Variants in PXN observed in about 807,000 individuals in gnomAD.
The protein encoded by PXN is testicular tissue protein Li 134.
A neutral mutation model predicts 103.6 loss-of-function variants in PXN; 61 were observed. That is an observed-to-expected ratio of 0.59 (90% CI 0.48 to 0.73). The LOEUF (loss-of-function observed/expected upper bound fraction) is 0.73. PXN is among the 30% of genes least tolerant of loss of function. PXN has a pLI of 0.00. For synonymous variants in PXN, 562 were observed against 607.8 expected, an observed-to-expected ratio of 0.92 and a Z score of 1.11; for missense variants, 1,274 against 1,460.3, an observed-to-expected ratio of 0.87 and a Z score of 2.08.
intron 1 of PXN, among the ~76,000 whole-genome samples, chr12:120,253,507 G>A (rs1046939912): frequency 6.6e-6 from 1 of 152,090 alleles, no homozygotes; most frequent in African/African-American, 2.4e-5. Flanking sequence ...AAAAGAGACC[G>A]GGCTAGTTGT....
chr12:120,217,086 A>C lies in PXN; in HGVS notation c.1747T>G (p.Ser583Ala). 1 of 1,590,306 alleles carries C rather than the reference A, an allele frequency of 6.3e-7. No homozygotes were observed. Among genetic ancestry groups the C allele is most frequent in the Non-Finnish European group, 8.5e-7 (1 of 1,176,950 alleles). ...IRSVIRRSWESGHAHPMSREP... is the reference protein window; with the variant it reads ...IRSVIRRSWEAGHAHPMSREP... The stretch of plus-strand genomic sequence containing the variant: ...CGGGACATGGGGTGTGCGTGGCCAG[A>C]CTCCCAGCTCCTCCTGATCACAGAT... Residue 583 changes from serine (S) to alanine (A), a missense_variant, in exon 8 of 15, where the codon TCT becomes GCT. By Grantham distance (99) the Ser-to-Ala change is moderately conservative (BLOSUM62 1). This residue lies in a region of PXN where 1,178 missense variants were observed against 1,309.0 expected (regional missense o/e 0.90). Transcript: ENST00000637617. The surrounding 1 kb of genome is among the most constrained non-coding windows in gnomAD (Gnocchi z 4.1).
chr12:120,219,910 C>T lies in PXN; in HGVS notation c.1013G>A (p.Arg338Gln), dbSNP rs528680075. Residue 338 changes from arginine (R) to glutamine (Q), a missense_variant, in exon 7 of 15, where the codon CGA (arginine) becomes CAA (glutamine). Arg to Gln is a conservative substitution (Grantham distance 43). This residue lies in a region of PXN where 1,178 missense variants were observed against 1,309.0 expected (regional missense o/e 0.90). Coordinates refer to ENST00000637617, the MANE Select transcript of PXN (RefSeq NM_001385981.1). The surrounding 1 kb of genome is among the most constrained non-coding windows in gnomAD (Gnocchi z 6.5). Reference sequence around the variant, plus strand: ...GGGGGCTACAGGAGGTAGAAGGCCTCGTCCACTCTGCTCAGTACAAGGGAA... The same window carrying T: ...GGGGGCTACAGGAGGTAGAAGGCCTTGTCCACTCTGCTCAGTACAAGGGAA... ...PEFPCTEQSG[R>Q]GLLPPVAPSW... is the part of the protein sequence containing the mutation. 9 of 1,598,150 alleles carry T rather than the reference C, an allele frequency of 5.6e-6. No homozygotes were observed. Among genetic ancestry groups the T allele is most frequent in the South Asian group, 4.4e-5 (4 of 91,070 alleles).
chr12:120,216,737 C>A lies in PXN; in HGVS notation c.1992+104G>T. The A allele has an allele frequency of 6.3e-7, 1 of 1,595,080 alleles. No homozygotes were observed. The highest frequency in any genetic ancestry group is 8.5e-7 in the Non-Finnish European group (1 of 1,178,674). On this transcript the variant is annotated intron_variant, in intron 8 of 14. Transcript: ENST00000637617. This position sits in a 1 kb window ranked among gnomAD's most constrained non-coding sequence, Gnocchi z 5.1. The stretch of plus-strand genomic sequence containing the variant: ...TCACAGGAGGCAAGAAACCCCCACC[C>A]TCTCCCCAGATCTCCCCTCCGGCCA...
chr12:120,215,724 C>T lies in PXN; in HGVS notation c.2302-63G>A. 6.7e-7 allele frequency: 1 copy of T among 1,493,886 alleles called. No individual in the cohort carries two copies. The highest frequency in any genetic ancestry group is 2.1e-5 in the Admixed American group (1 of 46,832). The allele number at this position is 1,493,886 out of a possible 1,614,324, so 92.5% of individuals were successfully genotyped here. A position where few individuals can be genotyped will look rare whatever the true frequency, so the allele number is the denominator to read the frequency against. On this transcript the variant is annotated intron_variant, in intron 9 of 14. Transcript: ENST00000637617. This position sits in a 1 kb window ranked among gnomAD's most constrained non-coding sequence, Gnocchi z 4.9. ...TTAAAAATTAAGAAAGAATACAAGA[C>T]CTTGTCACTGGACTAAAAGGGAATC...
Position 120,215,655 on chromosome 12 carries a change from C to T in PXN, c.2308G>A (p.Gly770Ser), listed in dbSNP as rs201566328. 2.5e-6 allele frequency: 4 copies of T among 1,607,666 alleles called. No individual in the cohort carries two copies. In the South Asian group the frequency reaches 3.3e-5, roughly 13 times the overall value. Residue 770 changes from glycine (G) to serine (S), a missense_variant, in exon 10 of 15, where the codon GGC (glycine) becomes AGC (serine). This residue lies in a region of PXN where 1,178 missense variants were observed against 1,309.0 expected (regional missense o/e 0.90). Coordinates refer to ENST00000637617, the MANE Select transcript of PXN (RefSeq NM_001385981.1). The surrounding 1 kb of genome is among the most constrained non-coding windows in gnomAD (Gnocchi z 4.9). ...TCCCCATCCGCTCTTTGCTCCAGGC[C>T]CTGGATCTTAGATAGGGGAAGAGAT... is the stretch of plus-strand genomic sequence containing the variant. ...DPLFPPMQIQ[G>S]LEQRADGERC... is the part of the protein sequence containing the mutation.
At position 120,243,770 on chromosome 12, in the gene PXN, G is replaced by A. The variant is rs565671345; in HGVS notation, c.14-19393C>T. ...CTCCCTGACCTTACTCTCCTACAAAGGGTTTGAGGCTCCATTCCTTTGAGT... is the reference window on the plus strand; with the variant it reads ...CTCCCTGACCTTACTCTCCTACAAAAGGTTTGAGGCTCCATTCCTTTGAGT... On this transcript the variant is annotated intron_variant, in intron 1 of 14. Coordinates refer to ENST00000637617, the MANE Select transcript of PXN (RefSeq NM_001385981.1). 5.9e-5 allele frequency among the ~76,000 whole-genome samples: 9 copies of A among 152,284 alleles called. No homozygotes were observed. In the South Asian group the frequency reaches 6.2e-4, roughly 11 times the overall value.
chr12:120,262,443 T>C (rs796962071), intron 1 of PXN, among the ~76,000 whole-genome samples: 6 of 152,298 alleles, frequency 3.9e-5, no homozygotes, highest in African/African-American at 1.4e-4. Flanking sequence ...CACCAGCACC[T>C]ACCACCTTAT....
chr12:120,226,787 C>T (rs776274870), intron 1 of PXN: 74 of 1,031,726 alleles, frequency 7.2e-5, no homozygotes, highest in African/African-American at 8.5e-5. Flanking sequence ...CAGGGCAAAT[C>T]GCTTAGCTTC....
At chr12:120,263,710 T>C (rs1894235849) in intron 1 of PXN, among the ~76,000 whole-genome samples, 1 of 152,182 alleles carries the variant, frequency 6.6e-6, no homozygotes, top group Non-Finnish European at 1.5e-5. Flanking sequence ...TAGAGGGAAG[T>C]ACTCCACAAA....
In PXN at chr12:120,221,530, G is replaced by A; in HGVS notation, c.831+93C>T. On this transcript the variant is annotated intron_variant, in intron 6 of 14. Coordinates refer to ENST00000637617, the MANE Select transcript of PXN (RefSeq NM_001385981.1). The surrounding 1 kb of genome is among the most constrained non-coding windows in gnomAD (Gnocchi z 6.6). The stretch of plus-strand genomic sequence containing the variant: ...CAGGGGCAAGGCACCCAAACACTGA[G>A]ATGCCAAGATCCAGCTACCCACACT... 1 of 1,395,450 alleles carries A rather than the reference G, an allele frequency of 7.2e-7. No homozygotes were observed. The highest frequency in any genetic ancestry group is 9.7e-7 in the Non-Finnish European group (1 of 1,034,810). The allele number at this position is 1,395,450 out of a possible 1,614,324, so 86.4% of individuals were successfully genotyped here. A position where few individuals can be genotyped will look rare whatever the true frequency, so the allele number is the denominator to read the frequency against.
In PXN at chr12:120,229,308, C is replaced by A. The variant is rs1349601818; in HGVS notation, c.14-4931G>T. Among the ~76,000 whole-genome samples the A allele has an allele frequency of 6.6e-6, 1 of 152,200 alleles. No homozygotes were observed. Among genetic ancestry groups the A allele is most frequent in the Admixed American group, 6.5e-5 (1 of 15,278 alleles). The stretch of plus-strand genomic sequence containing the variant: ...AACAAGCCAGGCTGCTTCCTCCTAC[C>A]TAAGCCCCTGCCACTTCTTAGTGTG... On this transcript the variant is annotated intron_variant, in intron 1 of 14. Transcript: ENST00000637617. This position sits in a 1 kb window ranked among gnomAD's most constrained non-coding sequence, Gnocchi z 4.0.
intron 1 of PXN, chr12:120,250,132 G>C (rs7953949): frequency 0.13 from 124,193 of 985,556 alleles, 8,621 homozygotes; most frequent in East Asian, 0.47. Flanking sequence ...TGCCTTAGCC[G>C]GCCAGCCGAG....
At chr12:120,244,791 C>T (rs1405482213) in intron 1 of PXN, among the ~76,000 whole-genome samples, 3 of 151,834 alleles carry the variant, frequency 2.0e-5, no homozygotes, top group Admixed American at 2.0e-4. Context: ...CACTGCACTC[C>T]AGCCTGGGTG....
At chr12:120,244,707 C>T (rs938206437) in intron 1 of PXN, among the ~76,000 whole-genome samples, 1 of 150,326 alleles carries the variant, frequency 6.7e-6, no homozygotes, top group Admixed American at 6.6e-5. Context: ...CTTGTAATCC[C>T]AGCTACTTAG....
At chr12:120,233,412 T>G (rs1487260561) in intron 1 of PXN, among the ~76,000 whole-genome samples, 1 of 152,076 alleles carries the variant, frequency 6.6e-6, no homozygotes, top group African/African-American at 2.4e-5. Context: ...GTTCAAATGA[T>G]CCTCCTGCCT....
rs1886064729 is a variant in PXN at position 120,224,007 on chromosome 12, T to C, written c.240+144A>G. The C allele has an allele frequency of 3.8e-6, 3 of 787,588 alleles. No homozygotes were observed. The highest frequency in any genetic ancestry group is 5.4e-5 in the Admixed American group (2 of 36,954). 48.8% of individuals were successfully genotyped at this position (787,588 alleles called of 1,614,324 possible). A position where few individuals can be genotyped will look rare whatever the true frequency, so the allele number is the denominator to read the frequency against. Reference sequence around the variant, plus strand: ...CCACTTGGTCACTGTTCCACTCACGTGGTGAGTGGGAAGAGCAGTGTCTGG... The same window carrying C: ...CCACTTGGTCACTGTTCCACTCACGCGGTGAGTGGGAAGAGCAGTGTCTGG... On this transcript the variant is annotated intron_variant, in intron 2 of 14. Coordinates refer to ENST00000637617, the MANE Select transcript of PXN (RefSeq NM_001385981.1). This position sits in a 1 kb window ranked among gnomAD's most constrained non-coding sequence, Gnocchi z 5.0.
Position 120,219,764 on chromosome 12 carries a change from G to A in PXN, c.1159C>T (p.Leu387=). 6.3e-7 allele frequency: 1 copy of A among 1,597,822 alleles called. No homozygotes were observed. Among genetic ancestry groups the A allele is most frequent in the Non-Finnish European group, 8.5e-7 (1 of 1,179,526 alleles). ...TESQGRDWRH[L]PTITSELSGA... The stretch of plus-strand genomic sequence containing the variant: ...GAGAGCTCACTTGTGATGGTCGGCA[G>A]GTGCCTCCAATCTCGACCCTGACTC... Residue 387 remains leucine, a synonymous_variant, in exon 7 of 15, where the codon CTG becomes TTG. Transcript: ENST00000637617. The surrounding 1 kb of genome is among the most constrained non-coding windows in gnomAD (Gnocchi z 6.5).
At position 120,223,596 on chromosome 12, in the gene PXN, G is replaced by C. The variant is rs543697896; in HGVS notation, c.356+122C>G. On this transcript the variant is annotated intron_variant, in intron 3 of 14. Coordinates refer to ENST00000637617, the MANE Select transcript of PXN (RefSeq NM_001385981.1). The stretch of plus-strand genomic sequence containing the variant: ...GACAGGCCTTCTGCAGCTTAAACCA[G>C]AATAACCCCACAAGGCCCAGTTGCT... The C allele has an allele frequency of 1.5e-4, 107 of 702,972 alleles. 1 individual carries two copies. In the South Asian group the frequency reaches 1.9e-3, roughly 13 times the overall value. 43.5% of individuals were successfully genotyped at this position (702,972 alleles called of 1,614,324 possible). A position where few individuals can be genotyped will look rare whatever the true frequency, so the allele number is the denominator to read the frequency against.
At chr12:120,234,162 G>A (rs1342468733) in intron 1 of PXN, among the ~76,000 whole-genome samples, 4 of 152,172 alleles carry the variant, frequency 2.6e-5, no homozygotes. Flanking sequence ...ACTTTGGGAG[G>A]CCGAGACAGG....
Sources: gnomAD v4.1 joint callset for allele counts (sites outside exome capture counted in the v4.1 genomes callset) on GRCh38, gnomAD v4.1.1 for gene constraint, gnomAD v4.1.1 regional missense constraint, Gnocchi (gnomAD v3.1) non-coding constraint, MANE v1.5 for transcripts, NCBI Gene and HGNC (gene_info 2026-07-23, HGNC 2026-07-21) for gene names.